LRP5: variants seen among roughly 807,000 people sequenced by gnomAD.
LRP5 encodes low-density lipoprotein receptor-related protein 5.
In LRP5, 62 loss-of-function variants were observed where a neutral mutation model predicts 154.1. The observed-to-expected ratio is 0.40, with a 90% confidence interval of 0.33 to 0.50. The LOEUF (loss-of-function observed/expected upper bound fraction) is 0.50. Among genes scored for constraint, LRP5 ranks in the 20% least tolerant of loss-of-function variants. LRP5 has a pLI of 0.55. For missense variants in LRP5, 1,915 were observed against 2,336.7 expected, an observed-to-expected ratio of 0.82 and a Z score of 3.72; for synonymous variants, 966 against 1,011.5, an observed-to-expected ratio of 0.96 and a Z score of 0.85.
chr11:68,436,332 G>T (rs929750034), intron 18 of LRP5, among the ~76,000 whole-genome samples: 1 of 152,158 alleles, frequency 6.6e-6, no homozygotes, highest in Non-Finnish European at 1.5e-5. Context: ...CTGGGTGGGC[G>T]TCTGGGGAGG....
At chr11:68,442,227 A>G (rs2098678575) in intron 21 of LRP5, among the ~76,000 whole-genome samples, 2 of 152,238 alleles carry the variant, frequency 1.3e-5, no homozygotes, top group Non-Finnish European at 2.9e-5. Context: ...CATTCCTATC[A>G]TAAGCAAGAC....
At chr11:68,397,659 C>T (rs1481859947) in intron 7 of LRP5, among the ~76,000 whole-genome samples, 1 of 152,214 alleles carries the variant, frequency 6.6e-6, no homozygotes, top group Non-Finnish European at 1.5e-5. Flanking sequence ...TCGTCATCAT[C>T]ACCATCATCA....
intron 21 of LRP5, among the ~76,000 whole-genome samples, chr11:68,441,093 T>C (rs2098677973): frequency 6.6e-6 from 1 of 151,572 alleles, no homozygotes; most frequent in Non-Finnish European, 1.5e-5. Flanking sequence ...CTTTTCTTTT[T>C]TCTGAGACAG....
chr11:68,372,504 T>TGCAGTGGCAGGCGGACCCG (rs2098634802), intron 5 of LRP5, among the ~76,000 whole-genome samples: 1 of 57,468 alleles, frequency 1.7e-5, no homozygotes, highest in African/African-American at 6.9e-5. Context: ...ACCGGGGACT[T>TGCAGTGGCAGGCGGACCCG]GGAGCACCTA....
At chr11:68,394,760 G>A (rs904755946) in intron 7 of LRP5, among the ~76,000 whole-genome samples, 1 of 151,918 alleles carries the variant, frequency 6.6e-6, no homozygotes, top group Non-Finnish European at 1.5e-5. Context: ...CACCGCGCCC[G>A]GCCCGATTTC....
In LRP5 at chr11:68,438,600, C is replaced by G; in HGVS notation, c.4266C>G (p.Phe1422Leu). Reference sequence around the variant, plus strand: ...GCTATGCGGGGGCCAACGGGCCCTTCCCGCACGAGTATGTCAGCGGGACCC... The same window carrying G: ...GCTATGCGGGGGCCAACGGGCCCTTGCCGCACGAGTATGTCAGCGGGACCC... ...CQRYAGANGPFPHEYVSGTPH... is the reference protein window; with the variant it reads ...CQRYAGANGPLPHEYVSGTPH... The change falls in exon 20 of 23, where the codon TTC becomes TTG. Residue 1422 changes from phenylalanine (F) to leucine (L), a missense_variant. Around this residue, in one of 3 missense-constraint regions of LRP5, gnomAD observed 1,094 missense variants for 1,210.1 expected, o/e 0.90. Transcript: ENST00000294304. The G allele has an allele frequency of 6.2e-7, 1 of 1,613,976 alleles. No individual in the cohort carries two copies. Among genetic ancestry groups the G allele is most frequent in the African/African-American group, 1.3e-5 (1 of 75,064 alleles).
rs1366874884 is a variant in LRP5, at chr11:68,438,664, C to T, written c.4330C>T (p.Gln1444Ter). The T allele has an allele frequency of 6.2e-7, 1 of 1,612,742 alleles. No individual in the cohort carries two copies. The highest frequency in any genetic ancestry group is 2.2e-5 in the East Asian group (1 of 44,898). ...CAATTTCATAGCCCCGGGCGGTTCCCAGCATGGCCCCTTCACAGGTAAGGA... is the reference window on the plus strand; with the variant it reads ...CAATTTCATAGCCCCGGGCGGTTCCTAGCATGGCCCCTTCACAGGTAAGGA... ...PLNFIAPGGS[Q>*]HGPFTGIACG... Residue 1444 changes from glutamine to a stop codon, truncating the protein, a stop_gained, in exon 20 of 23, where the codon CAG becomes TAG. Coordinates refer to ENST00000294304, the MANE Select transcript of LRP5 (RefSeq NM_002335.4). LOFTEE classifies it high-confidence loss of function.
intron 15 of LRP5, 69 bp downstream of exon 15, chr11:68,425,361 C>T (rs2153174068): frequency 2.0e-6 from 3 of 1,500,208 alleles, no homozygotes; most frequent in Middle Eastern, 2.3e-4. Context: ...CAGCAGCTGC[C>T]ACATTGTCCG....
chr11:68,326,183 G>C (rs2098599532), intron 1 of LRP5, among the ~76,000 whole-genome samples: 2 of 152,368 alleles, frequency 1.3e-5, no homozygotes, highest in South Asian at 4.1e-4. Context: ...GAGTCTGGGG[G>C]ACAGGTGCAG....
In LRP5 at chr11:68,449,223, G is replaced by C; in HGVS notation, c.*153G>C. Reference sequence around the variant, plus strand: ...ACTGTGATGGGGTGGGCAGGGCTGGGAGAACTTTGTACAGTGGAGAAATAT... The same window carrying C: ...ACTGTGATGGGGTGGGCAGGGCTGGCAGAACTTTGTACAGTGGAGAAATAT... On this transcript the variant is annotated 3_prime_UTR_variant, in exon 23 of 23. Coordinates refer to ENST00000294304, the MANE Select transcript of LRP5 (RefSeq NM_002335.4). 155 of 349,058 alleles carry C rather than the reference G, an allele frequency of 4.4e-4. No individual in the cohort carries two copies. The highest frequency in any genetic ancestry group is 1.3e-3 in the East Asian group (24 of 18,732). 21.6% of individuals were successfully genotyped at this position (349,058 alleles called of 1,614,324 possible).
chr11:68,385,655 C>T (rs1231440576), intron 5 of LRP5, among the ~76,000 whole-genome samples: 3 of 151,740 alleles, frequency 2.0e-5, no homozygotes, highest in Non-Finnish European at 4.4e-5. Context: ...AAAGTGCCCC[C>T]GGGTCTCAGG....
chr11:68,426,333 G>T, intron 16 of LRP5, 146 bp downstream of exon 16: 1 of 670,588 alleles, frequency 1.5e-6, no homozygotes, highest in Non-Finnish European at 2.5e-6. Context: ...GGGGTTCAGC[G>T]ACATGTCCGA....
At chr11:68,357,371 C>T (rs1299065891) in intron 2 of LRP5, among the ~76,000 whole-genome samples, 2 of 152,164 alleles carry the variant, frequency 1.3e-5, no homozygotes, top group African/African-American at 4.8e-5. Context: ...AAACTTACAG[C>T]AGAGTACACT....
intron 5 of LRP5, among the ~76,000 whole-genome samples, chr11:68,369,674 A>AG (rs1441134182): frequency 2.0e-5 from 3 of 152,280 alleles, no homozygotes; most frequent in Admixed American, 1.3e-4. Flanking sequence ...TGGGAGACTG[A>AG]GGCAAGAGAA....
At chr11:68,421,871 G>T (rs1342112960) in intron 13 of LRP5, among the ~76,000 whole-genome samples, 3 of 151,812 alleles carry the variant, frequency 2.0e-5, no homozygotes, top group African/African-American at 7.3e-5. Flanking sequence ...CTTTCCATCT[G>T]GGTCCAAGAG....
At chr11:68,373,583 G>T (rs1372024471) in intron 5 of LRP5, among the ~76,000 whole-genome samples, 1 of 152,164 alleles carries the variant, frequency 6.6e-6, no homozygotes, top group African/African-American at 2.4e-5. Flanking sequence ...GGACCATGGC[G>T]GCTGCGATGC....
rs752862568 is a variant in LRP5 at position 68,403,631 on chromosome 11, G to A, written c.1733G>A (p.Arg578Gln). 3 of 1,614,160 alleles carry A rather than the reference G, an allele frequency of 1.9e-6. No individual in the cohort carries two copies. The highest frequency in any genetic ancestry group is 2.2e-5 in the East Asian group (1 of 44,874). Reference protein sequence around the residue: ...IERVHKVKASRDVIIDQLPDL... With the variant: ...IERVHKVKASQDVIIDQLPDL... Reference sequence around the variant, plus strand: ...CGGGTGCACAAGGTCAAGGCCAGCCGGGACGTCATCATTGACCAGCTGCCC... The same window carrying A: ...CGGGTGCACAAGGTCAAGGCCAGCCAGGACGTCATCATTGACCAGCTGCCC... The change falls in exon 8 of 23, where the codon CGG becomes CAG. Residue 578 changes from arginine (R) to glutamine (Q), a missense_variant. Physicochemically the swap from Arg to Gln is conservative, Grantham distance 43. Around this residue, in one of 3 missense-constraint regions of LRP5, gnomAD observed 773 missense variants for 1,100.9 expected, o/e 0.70. Coordinates refer to ENST00000294304, the MANE Select transcript of LRP5 (RefSeq NM_002335.4).
At chr11:68,371,253 A>G (rs1055126100) in intron 5 of LRP5, among the ~76,000 whole-genome samples, 4 of 152,204 alleles carry the variant, frequency 2.6e-5, no homozygotes, top group African/African-American at 9.6e-5. Flanking sequence ...AGGTGGTTCT[A>G]GAAGATCTTC....
rs530861546 is a variant in LRP5, at chr11:68,317,614, C to T, written c.91+4809C>T. 3.9e-5 allele frequency among the ~76,000 whole-genome samples: 6 copies of T among 152,308 alleles called. No homozygotes were observed. The East Asian group carries it at 5.8e-4, about 15-fold the overall frequency. ...AGCCATGCAGAGGCATGCGCATACGCGCTGCTCTTAGGCATGTGGGTGGCG... is the reference window on the plus strand; with the variant it reads ...AGCCATGCAGAGGCATGCGCATACGTGCTGCTCTTAGGCATGTGGGTGGCG... On this transcript the variant is annotated intron_variant, in intron 1 of 22. Transcript: ENST00000294304.
Sources: gnomAD v4.1 joint callset for allele counts (sites outside exome capture counted in the v4.1 genomes callset) on GRCh38, gnomAD v4.1.1 for gene constraint, gnomAD v4.1.1 regional missense constraint, MANE v1.5 for transcripts, NCBI Gene and HGNC (gene_info 2026-07-23, HGNC 2026-07-21) for gene names.